The following FER1L6 variants were observed in gnomAD, a reference collection of about 807,000 sequenced individuals.
FER1L6 encodes the protein fer-1-like protein 6.
In FER1L6, 177 loss-of-function variants were observed where a neutral mutation model predicts 219.2. The observed-to-expected ratio is 0.81, with a 90% CI of 0.71 to 0.91. The LOEUF is 0.91. Ranked by LOEUF, FER1L6 falls within the 40% of genes least tolerant of loss-of-function variation. FER1L6 has a pLI of 0.00. For synonymous variants in FER1L6, 768 were observed against 824.3 expected (o/e 0.93, Z 1.17); for missense variants, 2,153 against 2,259.9 (o/e 0.95, Z 0.96).
At chr8:123,957,699 C>G (rs1463031706) in intron 2 of FER1L6, among the ~76,000 whole-genome samples, 5 of 152,136 alleles carry the variant, frequency 3.3e-5, no homozygotes, top group African/African-American at 9.7e-5. Context: ...GGGCAGCCTC[C>G]AGTTAACAGC....
intron 16 of FER1L6, 38 bp from the exon 17 acceptor site, chr8:124,021,512 C>T (rs755517239): frequency 1.9e-6 from 3 of 1,609,020 alleles, no homozygotes; most frequent in Non-Finnish European, 2.6e-6. Flanking sequence ...TTGTCCAGAT[C>T]TCTCGAAAGA....
At chr8:124,039,306 T>C (rs1298501501) in intron 19 of FER1L6, among the ~76,000 whole-genome samples, 1 of 152,152 alleles carries the variant, frequency 6.6e-6, no homozygotes, top group Admixed American at 6.6e-5. Context: ...GCTGGCTGAA[T>C]GGAAAATGAG....
At chr8:123,958,919 A>G (rs1815144515) in intron 2 of FER1L6, among the ~76,000 whole-genome samples, 1 of 151,688 alleles carries the variant, frequency 6.6e-6, no homozygotes, top group East Asian at 2.0e-4. Context: ...GACGGAACTG[A>G]AAGGGGGCCT....
chr8:124,067,073 C>G (rs1647274796), intron 27 of FER1L6, among the ~76,000 whole-genome samples: 1 of 152,092 alleles, frequency 6.6e-6, no homozygotes, highest in Non-Finnish European at 1.5e-5. Flanking sequence ...AGTTATGAAG[C>G]TGGAGAGACA....
At chr8:124,099,038 A>G (rs1228593639) in intron 37 of FER1L6, among the ~76,000 whole-genome samples, 1 of 152,142 alleles carries the variant, frequency 6.6e-6, no homozygotes, top group Non-Finnish European at 1.5e-5. Context: ...CTGTAGCAAC[A>G]CATGTATCTG....
intron 8 of FER1L6, 150 bp downstream of exon 8, chr8:123,975,456 ATG>A: frequency 1.5e-6 from 1 of 681,766 alleles, no homozygotes. Flanking sequence ...AGACACCAAG[ATG>A]TGTCCTATTA....
intron 37 of FER1L6, among the ~76,000 whole-genome samples, chr8:124,100,720 AT>A (rs1444615601): frequency 6.6e-6 from 1 of 152,152 alleles, no homozygotes; most frequent in African/African-American, 2.4e-5. Flanking sequence ...GTAGTGGGTA[AT>A]CTTGTTCTAA....
In FER1L6 at chr8:123,975,312, A is replaced by T; in HGVS notation, c.683+6A>T. The stretch of plus-strand genomic sequence containing the variant: ...ACCGAGGAGCCAATAGAAAAGTAAG[A>T]CAGGTCCATCCTGGGTTGTGCATAG... On this transcript the variant is annotated splice_donor_region_variant and intron_variant, in intron 8 of 40. Transcript: ENST00000522917. 6.2e-7 allele frequency: 1 copy of T among 1,604,698 alleles called. No individual in the cohort carries two copies. The highest frequency in any genetic ancestry group is 1.1e-5 in the South Asian group (1 of 89,478).
intron 1 of FER1L6, among the ~76,000 whole-genome samples, chr8:123,950,825 C>T (rs1169274488): frequency 6.6e-6 from 1 of 152,162 alleles, no homozygotes; most frequent in Non-Finnish European, 1.5e-5. Context: ...AGGGCCCATC[C>T]ATTCAGGCCA....
rs1173378765 is a variant in FER1L6 at position 124,064,573 on chromosome 8, G to A, written c.3555G>A (p.Lys1185=). The A allele has an allele frequency of 2.5e-6, 4 of 1,610,250 alleles. No homozygotes were observed. The highest frequency in any genetic ancestry group is 1.7e-5 in the Admixed American group (1 of 58,704). The change falls in exon 26 of 41, where the codon AAG becomes AAA. Residue 1185 remains lysine, a splice_region_variant and synonymous_variant. Transcript: ENST00000522917. ...AGCCACCAAAAGATGGAAAACCTAAGGTCAGACTAAAATCCCTCTCTATAT... is the reference window on the plus strand; with the variant it reads ...AGCCACCAAAAGATGGAAAACCTAAAGTCAGACTAAAATCCCTCTCTATAT... ...AQEPPKDGKP[K]DPRKPSRRST... is the part of the protein sequence containing the mutation.
intron 1 of FER1L6, among the ~76,000 whole-genome samples, chr8:123,886,615 C>T (rs1480745282): frequency 3.9e-5 from 6 of 152,316 alleles, no homozygotes; most frequent in African/African-American, 1.4e-4. Flanking sequence ...TGTAGCAACA[C>T]AAAATAGTCT....
intron 6 of FER1L6, among the ~76,000 whole-genome samples, chr8:123,971,930 A>C (rs1815840252): frequency 6.6e-6 from 1 of 152,182 alleles, no homozygotes; most frequent in Non-Finnish European, 1.5e-5. Context: ...GCACTCAACC[A>C]CTGGATGGAT....
chr8:123,916,832 G>T (rs752826006), intron 1 of FER1L6, among the ~76,000 whole-genome samples: 1 of 152,168 alleles, frequency 6.6e-6, no homozygotes, highest in Middle Eastern at 3.2e-3. Context: ...ATGCGTCAAT[G>T]TCTGGTTTAG....
In FER1L6 at chr8:124,094,855, C is replaced by A. The variant is rs1822206415; in HGVS notation, c.4553-41C>A. ...GTGGCAGCCCATCACTGTCTCCTTG[C>A]AGGAACACACATCTGACAAGTTTGT... On this transcript the variant is annotated intron_variant, in intron 34 of 40. Transcript: ENST00000522917. The A allele has an allele frequency of 3.1e-6, 5 of 1,609,782 alleles. No individual in the cohort carries two copies. In the South Asian group the frequency reaches 4.4e-5, roughly 14 times the overall value.
intron 34 of FER1L6, 72 bp downstream of exon 34, chr8:124,091,655 C>T: frequency 1.3e-6 from 2 of 1,504,598 alleles, no homozygotes; most frequent in Non-Finnish European, 1.8e-6. Context: ...ATATTTTTGG[C>T]TATGGGACAT....
chr8:123,977,274 G>T, intron 9 of FER1L6, 143 bp from the exon 10 acceptor site: 2 of 750,288 alleles, frequency 2.7e-6, no homozygotes, highest in South Asian at 1.8e-5. Flanking sequence ...AGTCACGTTC[G>T]CTGAGTGTAA....
chr8:124,015,854 G>T (rs1187185899), intron 15 of FER1L6: 8 of 152,472 alleles, frequency 5.2e-5, no homozygotes, highest in Non-Finnish European at 1.2e-4. Flanking sequence ...ATCTGGAAAA[G>T]TTAGGTTTGA....
intron 37 of FER1L6, among the ~76,000 whole-genome samples, chr8:124,098,997 T>G (rs1406477584): frequency 6.6e-6 from 1 of 152,226 alleles, no homozygotes; most frequent in African/African-American, 2.4e-5. Flanking sequence ...TAAGCATCTC[T>G]TCTTTTTGAA....
At chr8:124,094,796 A>C in intron 34 of FER1L6, 100 bp from the exon 35 acceptor site, 1 of 1,361,418 alleles carries the variant, frequency 7.3e-7, no homozygotes, top group Non-Finnish European at 1.0e-6. Flanking sequence ...CCCTTGGTAC[A>C]TTTAAATAAG....
Sources: gnomAD v4.1 joint callset for allele counts (sites outside exome capture counted in the v4.1 genomes callset) on GRCh38, gnomAD v4.1.1 for gene constraint, MANE v1.5 for transcripts, NCBI Gene and HGNC (gene_info 2026-07-23, HGNC 2026-07-21) for gene names.